HTRA1: variants seen among roughly 807,000 people sequenced by gnomAD.
HTRA1 encodes serine protease HTRA1.
In HTRA1, 26 loss-of-function variants were observed where a neutral mutation model predicts 49.7. That is an observed-to-expected ratio of 0.52 (90% confidence interval 0.38 to 0.73). HTRA1 has a LOEUF of 0.73. Ranked by LOEUF, HTRA1 falls within the 30% of genes least tolerant of loss-of-function variation. The probability of loss-of-function intolerance (pLI) is 0.00; values close to 1 mark genes in which losing one functional copy is unlikely to be tolerated. For missense variants in HTRA1, 561 were observed against 667.2 expected, an observed-to-expected ratio of 0.84 and a Z score of 1.75; for synonymous variants, 291 against 286.9, an observed-to-expected ratio of 1.01 and a Z score of -0.14.
At chr10:122,503,605 G>C (rs1374992528) in intron 3 of HTRA1, among the ~76,000 whole-genome samples, 3 of 152,198 alleles carry the variant, frequency 2.0e-5, no homozygotes, top group Admixed American at 2.0e-4. Flanking sequence ...CAGCTGGGAA[G>C]CTTGTTCTCT....
Position 122,511,999 on chromosome 10 carries a change from G to C in HTRA1, c.1208G>C (p.Arg403Pro). The C allele has an allele frequency of 6.2e-7, 1 of 1,613,936 alleles. No individual in the cohort carries two copies. Among genetic ancestry groups the C allele is most frequent in the East Asian group, 2.2e-5 (1 of 44,866 alleles). ...SKAKELKDRHRDFPDVISGAY... is the reference protein window; with the variant it reads ...SKAKELKDRHPDFPDVISGAY... ...GCCAAAGAGCTGAAGGACCGGCACCGGGACTTCCCAGACGTGATCTCAGGA... is the reference window on the plus strand; with the variant it reads ...GCCAAAGAGCTGAAGGACCGGCACCCGGACTTCCCAGACGTGATCTCAGGA... The change falls in exon 8 of 9, where the codon CGG (arginine) becomes CCG (proline). Residue 403 changes from arginine (R) to proline (P), a missense_variant. Physicochemically the swap from Arg to Pro is moderately radical, Grantham distance 103. This residue lies in a region of HTRA1 where 179 missense variants were observed against 173.4 expected (regional missense o/e 1.03). Transcript: ENST00000368984.
chr10:122,477,700 G>A (rs1179614684), intron 1 of HTRA1, among the ~76,000 whole-genome samples: 1 of 152,208 alleles, frequency 6.6e-6, no homozygotes, highest in Non-Finnish European at 1.5e-5. Flanking sequence ...AGGCTTTAGA[G>A]CAGGACTTTG....
At chr10:122,491,679 C>T (rs1024763701) in intron 3 of HTRA1, among the ~76,000 whole-genome samples, 3 of 152,228 alleles carry the variant, frequency 2.0e-5, no homozygotes, top group Non-Finnish European at 2.9e-5. Flanking sequence ...AAGACGTGAA[C>T]GATCTCAATA....
At chr10:122,510,794 G>A (rs2097505220) in intron 7 of HTRA1, among the ~76,000 whole-genome samples, 1 of 152,160 alleles carries the variant, frequency 6.6e-6, no homozygotes, top group African/African-American at 2.4e-5. Flanking sequence ...GTAAAGACTA[G>A]AATATAGTAA....
intron 3 of HTRA1, among the ~76,000 whole-genome samples, chr10:122,493,927 G>T (rs765318815): frequency 2.0e-5 from 3 of 151,634 alleles, no homozygotes; most frequent in South Asian, 2.1e-4. Flanking sequence ...CTGTCCCCTG[G>T]GGCCTTGGCT....
intron 7 of HTRA1, 78 bp from the exon 8 acceptor site, chr10:122,511,892 A>T (rs2097505821): frequency 1.0e-6 from 1 of 988,682 alleles, no homozygotes; most frequent in African/African-American, 1.6e-5. Flanking sequence ...GAAGACGGGA[A>T]CTGGTGAGAG....
intron 3 of HTRA1, among the ~76,000 whole-genome samples, chr10:122,495,042 A>C (rs2097497997): frequency 1.3e-5 from 2 of 151,810 alleles, no homozygotes; most frequent in South Asian, 4.2e-4. Context: ...GGTTCTCCTC[A>C]GGCAACCGGA....
At chr10:122,510,412 C>T (rs950962872) in intron 7 of HTRA1, among the ~76,000 whole-genome samples, 1 of 152,302 alleles carries the variant, frequency 6.6e-6, no homozygotes, top group African/African-American at 2.4e-5. Context: ...CTGCCCTCCT[C>T]TTTGAAGGCA....
chr10:122,512,792 C>T (rs912707788), intron 8 of HTRA1, among the ~76,000 whole-genome samples: 5 of 151,984 alleles, frequency 3.3e-5, no homozygotes, highest in Admixed American at 6.5e-5. Context: ...GGTTTTGGTG[C>T]ACCCATCACC....
chr10:122,503,804 C>T (rs903563166), intron 3 of HTRA1, among the ~76,000 whole-genome samples: 2 of 152,110 alleles, frequency 1.3e-5, no homozygotes, highest in African/African-American at 4.8e-5. Flanking sequence ...CATGTGTCTG[C>T]TTGCTTTTTT....
intron 3 of HTRA1, among the ~76,000 whole-genome samples, chr10:122,497,471 G>T (rs1024810552): frequency 6.6e-6 from 1 of 152,212 alleles, no homozygotes. Flanking sequence ...TGAGGAGCCA[G>T]AGTGCCTTCA....
At chr10:122,495,074 T>A (rs1414784240) in intron 3 of HTRA1, among the ~76,000 whole-genome samples, 1 of 152,046 alleles carries the variant, frequency 6.6e-6, no homozygotes, top group Non-Finnish European at 1.5e-5. Flanking sequence ...GCTGACTCAG[T>A]GGCCTGAGCT....
chr10:122,501,511 C>T (rs1386004927), intron 3 of HTRA1, among the ~76,000 whole-genome samples: 7 of 152,190 alleles, frequency 4.6e-5, no homozygotes, highest in Admixed American at 3.9e-4. Flanking sequence ...TTGGATGACA[C>T]TCATGGTTGC....
chr10:122,488,347 C>T (rs1047466785), intron 1 of HTRA1, among the ~76,000 whole-genome samples: 9 of 152,106 alleles, frequency 5.9e-5, no homozygotes, highest in African/African-American at 2.2e-4. Flanking sequence ...GCAGGTGGAT[C>T]ACCTGAGGTC....
In HTRA1 at chr10:122,496,225, G is replaced by GTTTTGTTTTTTTTTTT. The variant is rs1287521208; in HGVS notation, c.777+6601_777+6602insTTGTTTTTTTTTTTTT. On this transcript the variant is annotated intron_variant, in intron 3 of 8. Coordinates refer to ENST00000368984, the MANE Select transcript of HTRA1 (RefSeq NM_002775.5). ...CCCTTTCGTTTGCCAGAGATTGTGGGTTCTTTTTTTTTTTTTTTTTTTTTT... is the reference window on the plus strand; with the variant it reads ...CCCTTTCGTTTGCCAGAGATTGTGGGTTTTGTTTTTTTTTTTTTCTTTTTTTTTTTTTTTTTTTTTT... Among the ~76,000 whole-genome samples the GTTTTGTTTTTTTTTTT allele has an allele frequency of 2.1e-4, 17 of 80,384 alleles. 2 individuals carry two copies. The highest frequency in any genetic ancestry group is 8.7e-4 in the African/African-American group (17 of 19,640). The allele number at this position is 80,384 out of a possible 152,430, so 52.7% of individuals were successfully genotyped here. A position where few individuals can be genotyped will look rare whatever the true frequency, so the allele number is the denominator to read the frequency against.
rs533129741 is a variant in HTRA1 at position 122,499,197 on chromosome 10, G to A, written c.778-7494G>A. ...TGTGTTGGAGGAGTGGGACCCTAGG[G>A]AAGATGCTTGGCTCGACTTCCCCAC... On this transcript the variant is annotated intron_variant, in intron 3 of 8. Transcript: ENST00000368984. 1.3e-4 allele frequency among the ~76,000 whole-genome samples: 20 copies of A among 152,232 alleles called. No individual in the cohort carries two copies. The South Asian group carries it at 4.2e-3, about 32-fold the overall frequency.
chr10:122,462,525 G>T (rs1364639943), intron 1 of HTRA1, among the ~76,000 whole-genome samples: 9 of 152,268 alleles, frequency 5.9e-5, no homozygotes, highest in Non-Finnish European at 1.3e-4. Flanking sequence ...AGGACCACAA[G>T]AAGTCATTTC....
intron 3 of HTRA1, among the ~76,000 whole-genome samples, chr10:122,504,397 A>G (rs2097502179): frequency 6.6e-6 from 1 of 152,194 alleles, no homozygotes; most frequent in African/African-American, 2.4e-5. Flanking sequence ...TGAGATGTGA[A>G]TTAGGATCCC....
At chr10:122,510,515 G>A (rs1353956448) in intron 7 of HTRA1, among the ~76,000 whole-genome samples, 1 of 152,146 alleles carries the variant, frequency 6.6e-6, no homozygotes, top group Admixed American at 6.5e-5. Context: ...ATTCCAGGAG[G>A]GCCCCAAGCC....
Sources: allele counts gnomAD v4.1 joint callset (sites outside exome capture counted in the v4.1 genomes callset), GRCh38; gene constraint gnomAD v4.1.1; regional missense constraint gnomAD v4.1.1; transcripts MANE v1.5; gene names NCBI Gene and HGNC (gene_info 2026-07-23, HGNC 2026-07-21).